GRIN2B: variants seen among roughly 807,000 people sequenced by gnomAD.
GRIN2B encodes glutamate ionotropic receptor NMDA type subunit 2B, also known as glutamate receptor ionotropic, NMDA 2B.
GRIN2B carries 5 observed loss-of-function variants against 114.5 expected under a neutral mutation model. The ratio of observed to expected loss-of-function variants is 0.04; its 90% CI spans 0.02 to 0.09. The LOEUF (loss-of-function observed/expected upper bound fraction) is 0.09, where lower values mean the gene tolerates loss of function less well. GRIN2B is among the 10% of genes least tolerant of loss of function. The pLI is 1.00. For missense variants in GRIN2B, 1,108 were observed against 1,943.5 expected (o/e 0.57, Z 8.08); for synonymous variants, 787 against 745.1 (o/e 1.06, Z -0.92).
At chr12:13,689,189 T>C (rs924916438) in intron 4 of GRIN2B, among the ~76,000 whole-genome samples, 3 of 152,162 alleles carry the variant, frequency 2.0e-5, no homozygotes, top group Admixed American at 1.3e-4. Flanking sequence ...TTATTCCCCA[T>C]TTCCATCCTT....
In GRIN2B at chr12:13,563,831, T is replaced by G. The variant is rs756986518; in HGVS notation, c.3407A>C (p.Gln1136Pro). The G allele has an allele frequency of 1.2e-6, 2 of 1,614,170 alleles. No homozygotes were observed. Among genetic ancestry groups the G allele is most frequent in the Admixed American group, 3.3e-5 (2 of 60,016 alleles). Residue 1136 changes from glutamine to proline, a missense_variant, in exon 14 of 14, where the codon CAG becomes CCG. By Grantham distance (76) the Gln-to-Pro change is moderately conservative. Around this residue, in one of 19 missense-constraint regions of GRIN2B, gnomAD observed 478 missense variants for 506.0 expected, o/e 0.94. Transcript: ENST00000609686. ...GGGTGAGTTCTCCTTTGTTCGGAAC[T>G]GGTCCAGGTAGAAGTCCCGTAGCCC... Reference protein sequence around the residue: ...KEGLRDFYLDQFRTKENSPHW... With the variant: ...KEGLRDFYLDPFRTKENSPHW...
At chr12:13,924,817 C>G (rs1279871578) in intron 2 of GRIN2B, among the ~76,000 whole-genome samples, 1 of 152,062 alleles carries the variant, frequency 6.6e-6, no homozygotes, top group Non-Finnish European at 1.5e-5. Flanking sequence ...TGTGTGAGAT[C>G]TCCTTATCCT....
intron 3 of GRIN2B, among the ~76,000 whole-genome samples, chr12:13,757,807 T>C (rs1283498454): frequency 1.3e-5 from 2 of 152,172 alleles, no homozygotes; most frequent in Non-Finnish European, 2.9e-5. Context: ...TTGATGTTTG[T>C]GGTGTTTATT....
intron 2 of GRIN2B, among the ~76,000 whole-genome samples, chr12:13,930,697 G>T (rs219884): frequency 0.45 from 68,541 of 151,952 alleles, 15,672 homozygotes; most frequent in East Asian, 0.53. Flanking sequence ...AGAGGGAGCT[G>T]CTTATAAAAG....
intron 3 of GRIN2B, among the ~76,000 whole-genome samples, chr12:13,809,739 C>G (rs758906509): frequency 6.6e-6 from 1 of 152,228 alleles, no homozygotes; most frequent in African/African-American, 2.4e-5. Flanking sequence ...TAAATGAATA[C>G]TGAATAAATG....
intron 4 of GRIN2B, among the ~76,000 whole-genome samples, chr12:13,717,066 C>CGCGT (rs200897660): frequency 1.4e-5 from 2 of 145,922 alleles, no homozygotes; most frequent in South Asian, 2.2e-4. Flanking sequence ...ATGCCATACG[C>CGCGT]GTGTGTGTGT....
intron 2 of GRIN2B, among the ~76,000 whole-genome samples, chr12:13,933,593 T>C (rs989021933): frequency 2.6e-5 from 4 of 152,192 alleles, no homozygotes; most frequent in Admixed American, 6.5e-5. Flanking sequence ...CTGATGCTGC[T>C]GGTACCTCTG....
Position 13,550,500 on chromosome 12 carries a change from T to A in GRIN2B, c.*12283A>T, listed in dbSNP as rs1326794163. 1.3e-5 allele frequency: 2 copies of A among 152,202 alleles called. No individual in the cohort carries two copies. Among genetic ancestry groups the A allele is most frequent in the Non-Finnish European group, 2.9e-5 (2 of 68,028 alleles). 9.4% of individuals were successfully genotyped at this position (152,202 alleles called of 1,614,324 possible). A position where few individuals can be genotyped will look rare whatever the true frequency, so the allele number is the denominator to read the frequency against. ...TCAGGAGGAATTCTGTCATAAAGAA[T>A]ATGTATGTATCTAAGCAACAGGACT... On this transcript the variant is annotated 3_prime_UTR_variant, in exon 14 of 14. Coordinates refer to ENST00000609686, the MANE Select transcript of GRIN2B (RefSeq NM_000834.5).
intron 3 of GRIN2B, among the ~76,000 whole-genome samples, chr12:13,864,939 C>A (rs916200869): frequency 6.6e-6 from 1 of 152,112 alleles, no homozygotes; most frequent in Non-Finnish European, 1.5e-5. Flanking sequence ...TAATGTGCAC[C>A]CAATTGCCTT....
intron 3 of GRIN2B, among the ~76,000 whole-genome samples, chr12:13,759,089 C>G (rs1341353178): frequency 7.1e-6 from 1 of 141,280 alleles, no homozygotes; most frequent in East Asian, 2.3e-4. Flanking sequence ...CTCACTGTAA[C>G]CTCTGCCTCT....
intron 4 of GRIN2B, among the ~76,000 whole-genome samples, chr12:13,698,656 C>T (rs1052376917): frequency 1.2e-4 from 18 of 151,982 alleles, no homozygotes; most frequent in East Asian, 1.9e-4. Context: ...TTTGATCATC[C>T]GCATACAGTA....
chr12:13,620,663 C>T (rs1949501178), intron 5 of GRIN2B, among the ~76,000 whole-genome samples: 1 of 152,134 alleles, frequency 6.6e-6, no homozygotes, highest in Non-Finnish European at 1.5e-5. Context: ...CTGTGAGCCT[C>T]AGTTTCTGCA....
chr12:13,710,392 G>A (rs1950403227), intron 4 of GRIN2B, among the ~76,000 whole-genome samples: 1 of 152,082 alleles, frequency 6.6e-6, no homozygotes, highest in South Asian at 2.1e-4. Context: ...AATTAGGCAG[G>A]AGAAGGAAAT....
chr12:13,834,637 T>C (rs2268131), intron 3 of GRIN2B, among the ~76,000 whole-genome samples: 14,112 of 152,188 alleles, frequency 0.093, 870 homozygotes, highest in South Asian at 0.18. Flanking sequence ...CCTTCGGCCC[T>C]TTCACAGGTG....
intron 4 of GRIN2B, among the ~76,000 whole-genome samples, chr12:13,716,292 G>T (rs1257262037): frequency 6.6e-6 from 1 of 151,900 alleles, no homozygotes; most frequent in African/African-American, 2.4e-5. Flanking sequence ...TTAGAGACAG[G>T]AGAGTATAGT....
intron 2 of GRIN2B, among the ~76,000 whole-genome samples, chr12:13,907,494 GAAA>G (rs36064040): frequency 1.5e-5 from 2 of 130,024 alleles, no homozygotes; most frequent in Non-Finnish European, 1.6e-5. Flanking sequence ...TCTGTCTCAG[GAAA>G]AAAAAAAAAA....
At chr12:13,958,407 G>A (rs1867630932) in intron 2 of GRIN2B, among the ~76,000 whole-genome samples, 1 of 152,176 alleles carries the variant, frequency 6.6e-6, no homozygotes, top group African/African-American at 2.4e-5. Flanking sequence ...TTCCTCAGCT[G>A]CATAATGGAA....
At chr12:13,851,800 G>T (rs1367541641) in intron 3 of GRIN2B, among the ~76,000 whole-genome samples, 12 of 152,172 alleles carry the variant, frequency 7.9e-5, no homozygotes, top group Admixed American at 7.9e-4. Context: ...TAAGCAATGA[G>T]AATACAGGAA....
At chr12:13,726,912 C>A (rs1362514906) in intron 4 of GRIN2B, among the ~76,000 whole-genome samples, 1 of 152,066 alleles carries the variant, frequency 6.6e-6, no homozygotes, top group Non-Finnish European at 1.5e-5. Flanking sequence ...TAAGAACATA[C>A]CGTTTGGTTT....
Sources: gnomAD v4.1 joint callset for allele counts (sites outside exome capture counted in the v4.1 genomes callset) on GRCh38, gnomAD v4.1.1 for gene constraint, gnomAD v4.1.1 regional missense constraint, MANE v1.5 for transcripts, NCBI Gene and HGNC (gene_info 2026-07-23, HGNC 2026-07-21) for gene names.